The following ATP1A1 variants were observed in gnomAD, a reference collection of about 807,000 sequenced individuals.
ATP1A1 encodes the protein sodium/potassium-transporting ATPase subunit alpha-1.
A neutral mutation model predicts 114.8 loss-of-function variants in ATP1A1; 14 were observed. The ratio of observed to expected loss-of-function variants is 0.12; its 90% CI spans 0.08 to 0.19. The LOEUF is 0.19. Ranked by LOEUF, ATP1A1 falls within the 10% of genes least tolerant of loss-of-function variation. ATP1A1 has a pLI of 1.00. For missense variants in ATP1A1, 524 were observed against 1,290.7 expected (o/e 0.41, Z 9.10); for synonymous variants, 471 against 466.3 (o/e 1.01, Z -0.13).
In ATP1A1 at chr1:116,398,915, T is replaced by C. The variant is rs531429824; in HGVS notation, c.2294-15T>C. The C allele has an allele frequency of 7.4e-6, 12 of 1,612,166 alleles. No individual in the cohort carries two copies. The highest frequency in any genetic ancestry group is 5.0e-5 in the Admixed American group (3 of 59,990). Reference sequence around the variant, plus strand: ...TGTCTCATAAGCTAACAGTAAAAAATCTTGGTTTTCATAGGTCGTCTGATC... The same window carrying C: ...TGTCTCATAAGCTAACAGTAAAAAACCTTGGTTTTCATAGGTCGTCTGATC... On this transcript the variant is annotated splice_polypyrimidine_tract_variant and intron_variant, in intron 16 of 22. Transcript: ENST00000295598. The surrounding 1 kb of genome is among the most constrained non-coding windows in gnomAD (Gnocchi z 6.1).
At chr1:116,396,779 T>C (rs747114587) in intron 14 of ATP1A1, 45 bp downstream of exon 14, 11 of 1,503,698 alleles carry the variant, frequency 7.3e-6, no homozygotes, top group Middle Eastern at 1.8e-4. Flanking sequence ...AACAAGCAAA[T>C]AGTGATGGTT....
chr1:116,383,687 A>C, intron 1 of ATP1A1: 1 of 227,534 alleles, frequency 4.4e-6, no homozygotes. Context: ...GGAAGGCTGC[A>C]GAATAGGGAT....
Position 116,395,335 on chromosome 1 carries a change from C to T in ATP1A1, c.1836+50C>T, listed in dbSNP as rs1478021266. ...TTCATCTCTTAGTGCCTTGGGACAC[C>T]CTACTCAGTGAATGTTGCCTTTTGA... On this transcript the variant is annotated intron_variant, in intron 13 of 22. Coordinates refer to ENST00000295598, the MANE Select transcript of ATP1A1 (RefSeq NM_000701.8). This position sits in a 1 kb window ranked among gnomAD's most constrained non-coding sequence, Gnocchi z 6.4. 6.3e-7 allele frequency: 1 copy of T among 1,587,260 alleles called. No individual in the cohort carries two copies. Among genetic ancestry groups the T allele is most frequent in the African/African-American group, 1.4e-5 (1 of 73,918 alleles).
At chr1:116,374,692 A>G (rs1410590422) in intron 1 of ATP1A1, among the ~76,000 whole-genome samples, 1 of 152,218 alleles carries the variant, frequency 6.6e-6, no homozygotes, top group Admixed American at 6.5e-5. Flanking sequence ...CTCGGAGTTC[A>G]TGGGGTGAAA....
chr1:116,399,092 T>C lies in ATP1A1; in HGVS notation c.2448+8T>C, dbSNP rs1286677367. The C allele has an allele frequency of 6.2e-6, 10 of 1,614,018 alleles. No individual in the cohort carries two copies. The highest frequency in any genetic ancestry group is 6.8e-6 in the Non-Finnish European group (8 of 1,180,036). ...GACTTGGGCACTGACATGGTGAGTG[T>C]CACAACAGTCACAGATCGATAGTAG... On this transcript the variant is annotated splice_region_variant and intron_variant, in intron 17 of 22. Coordinates refer to ENST00000295598, the MANE Select transcript of ATP1A1 (RefSeq NM_000701.8). This position sits in a 1 kb window ranked among gnomAD's most constrained non-coding sequence, Gnocchi z 5.0.
At chr1:116,373,799 G>T (rs1651158831) in intron 1 of ATP1A1, 2 of 1,207,602 alleles carry the variant, frequency 1.7e-6, no homozygotes, top group Non-Finnish European at 1.0e-6. Flanking sequence ...CGCCCCGGAG[G>T]CCGAGCGGGC....
chr1:116,379,272 A>T (rs929806709), intron 1 of ATP1A1, among the ~76,000 whole-genome samples: 2 of 152,108 alleles, frequency 1.3e-5, no homozygotes, highest in Non-Finnish European at 2.9e-5. Flanking sequence ...TCACAAAGGG[A>T]TCTACTGCTT....
In ATP1A1 at chr1:116,393,170, T is replaced by C. The variant is rs1652609319; in HGVS notation, c.1467+182T>C. 5 of 975,462 alleles carry C rather than the reference T, an allele frequency of 5.1e-6. No individual in the cohort carries two copies. The highest frequency in any genetic ancestry group is 7.4e-6 in the Non-Finnish European group (5 of 679,984). The allele number at this position is 975,462 out of a possible 1,614,324, so 60.4% of individuals were successfully genotyped here. On this transcript the variant is annotated intron_variant, in intron 11 of 22. Coordinates refer to ENST00000295598, the MANE Select transcript of ATP1A1 (RefSeq NM_000701.8). This position sits in a 1 kb window ranked among gnomAD's most constrained non-coding sequence, Gnocchi z 5.0. The stretch of plus-strand genomic sequence containing the variant: ...GAATATCAGCAGGATAAATGAAGCC[T>C]CTTGCAAAACACTGTTGAGCCCTTT...
At chr1:116,376,096 C>T (rs1028078173) in intron 1 of ATP1A1, among the ~76,000 whole-genome samples, 10 of 152,236 alleles carry the variant, frequency 6.6e-5, no homozygotes, top group African/African-American at 2.4e-4. Flanking sequence ...AAGGTACACG[C>T]CATAACTGTT....
Position 116,373,435 on chromosome 1 carries a change from G to A in ATP1A1, c.-77G>A. On this transcript the variant is annotated 5_prime_UTR_variant, in exon 1 of 23. Coordinates refer to ENST00000295598, the MANE Select transcript of ATP1A1 (RefSeq NM_000701.8). ...TTGGCTCCCCTGGTCCCGCTCGCTC[G>A]GCCGGGAGCTGCTCTGTGCTTTTCT... is the stretch of plus-strand genomic sequence containing the variant. 6.9e-7 allele frequency: 1 copy of A among 1,443,310 alleles called. No homozygotes were observed. Among genetic ancestry groups the A allele is most frequent in the Non-Finnish European group, 9.2e-7 (1 of 1,085,576 alleles). 89.4% of individuals were successfully genotyped at this position (1,443,310 alleles called of 1,614,324 possible).
Position 116,397,878 on chromosome 1 carries a change from C to G in ATP1A1, c.1974-10C>G. On this transcript the variant is annotated splice_polypyrimidine_tract_variant and intron_variant, in intron 14 of 22. Transcript: ENST00000295598. This position sits in a 1 kb window ranked among gnomAD's most constrained non-coding sequence, Gnocchi z 4.2. Reference sequence around the variant, plus strand: ...GCGTGACTTTTTTTTTTTTTTTGTCCTAATTCTAGGGATGCCAAGGCCTGC... The same window carrying G: ...GCGTGACTTTTTTTTTTTTTTTGTCGTAATTCTAGGGATGCCAAGGCCTGC... 6.4e-7 allele frequency: 1 copy of G among 1,559,218 alleles called. No individual in the cohort carries two copies. Among genetic ancestry groups the G allele is most frequent in the Non-Finnish European group, 8.6e-7 (1 of 1,161,148 alleles).
In ATP1A1 at chr1:116,389,669, G is replaced by A. The variant is rs772383915; in HGVS notation, c.985G>A (p.Val329Ile). The part of the protein sequence containing the change: ...EAVIFLIGII[V>I]ANVPEGLLAT... ...TGTCATCTTCCTCATCGGTATCATC[G>A]TAGCCAATGTGCCGGAAGGTTTGCT... Residue 329 changes from valine to isoleucine, a missense_variant, in exon 8 of 23, where the codon GTA (valine) becomes ATA (isoleucine). Transcript: ENST00000295598. This position sits in a 1 kb window ranked among gnomAD's most constrained non-coding sequence, Gnocchi z 6.9. 6.2e-7 allele frequency: 1 copy of A among 1,614,058 alleles called. No homozygotes were observed. The highest frequency in any genetic ancestry group is 8.5e-7 in the Non-Finnish European group (1 of 1,180,032).
chr1:116,379,754 T>C (rs571028589), intron 1 of ATP1A1, among the ~76,000 whole-genome samples: 1 of 152,336 alleles, frequency 6.6e-6, no homozygotes, highest in South Asian at 2.1e-4. Flanking sequence ...AGAATACTTT[T>C]ACATACACAA....
At chr1:116,382,818 G>T (rs1286336465) in intron 1 of ATP1A1, among the ~76,000 whole-genome samples, 1 of 152,192 alleles carries the variant, frequency 6.6e-6, no homozygotes, top group African/African-American at 2.4e-5. Context: ...TTAGTAGCTG[G>T]TAATGCACTT....
rs377635301 is a variant in ATP1A1, at chr1:116,398,926, A to C, written c.2294-4A>C. On this transcript the variant is annotated splice_region_variant and splice_polypyrimidine_tract_variant and intron_variant, in intron 16 of 22. Transcript: ENST00000295598. This position sits in a 1 kb window ranked among gnomAD's most constrained non-coding sequence, Gnocchi z 6.1. ...CTAACAGTAAAAAATCTTGGTTTTC[A>C]TAGGTCGTCTGATCTTTGATAACTT... 1 of 1,614,068 alleles carries C rather than the reference A, an allele frequency of 6.2e-7. No individual in the cohort carries two copies. The highest frequency in any genetic ancestry group is 2.2e-5 in the East Asian group (1 of 44,892).
intron 1 of ATP1A1, among the ~76,000 whole-genome samples, chr1:116,375,623 G>C (rs756522165): frequency 6.6e-6 from 1 of 152,200 alleles, no homozygotes; most frequent in African/African-American, 2.4e-5. Context: ...TTAGCATTTT[G>C]AGTATTCTGA....
Position 116,393,573 on chromosome 1 carries a change from C to T in ATP1A1, c.1510C>T (p.Leu504=). The T allele has an allele frequency of 6.2e-7, 1 of 1,614,084 alleles. No homozygotes were observed. ...KNPNTSEPQH[L]LVMKGAPERI... ...CCCCAACACATCGGAGCCCCAACAC[C>T]TGTTGGTGATGAAGGGCGCCCCAGA... Residue 504 remains leucine, a synonymous_variant, in exon 12 of 23, where the codon CTG becomes TTG. Coordinates refer to ENST00000295598, the MANE Select transcript of ATP1A1 (RefSeq NM_000701.8). This position sits in a 1 kb window ranked among gnomAD's most constrained non-coding sequence, Gnocchi z 5.0.
chr1:116,395,428 A>G lies in ATP1A1; in HGVS notation c.1836+143A>G, dbSNP rs1339629906. On this transcript the variant is annotated intron_variant, in intron 13 of 22. Transcript: ENST00000295598. This position sits in a 1 kb window ranked among gnomAD's most constrained non-coding sequence, Gnocchi z 6.4. ...TTCTCATCTCCAAAGCTTTACTTCC[A>G]CCCAGAAAAGACCAGATAGTATTAA... The G allele has an allele frequency of 1.0e-6, 1 of 954,058 alleles. No individual in the cohort carries two copies. The highest frequency in any genetic ancestry group is 2.9e-5 in the East Asian group (1 of 33,956). The allele number at this position is 954,058 out of a possible 1,614,324, so 59.1% of individuals were successfully genotyped here.
At chr1:116,392,093 A>G (rs1652512296) in intron 10 of ATP1A1, among the ~76,000 whole-genome samples, 2 of 152,232 alleles carry the variant, frequency 1.3e-5, no homozygotes, top group African/African-American at 4.8e-5. Flanking sequence ...GTTCATCTGC[A>G]TATGCAGCCT....
Sources: allele counts gnomAD v4.1 joint callset (sites outside exome capture counted in the v4.1 genomes callset), GRCh38; gene constraint gnomAD v4.1.1; non-coding constraint Gnocchi (gnomAD v3.1); transcripts MANE v1.5; gene names NCBI Gene and HGNC (gene_info 2026-07-23, HGNC 2026-07-21).